The following MYMX variants were observed in gnomAD, a reference collection of about 807,000 sequenced individuals.
MYMX encodes protein myomixer.
At chr6:44,214,966 G>A (rs546388633), upstream of MYMX, among the ~76,000 whole-genome samples, 4 of 152,256 alleles carry the variant, frequency 2.6e-5, no homozygotes, top group South Asian at 8.3e-4. Flanking sequence ...ATAGCACATG[G>A]TCATCATACC....
the MYMX span, among the ~76,000 whole-genome samples, chr6:44,205,005 T>A: frequency 6.6e-6 from 1 of 152,136 alleles, no homozygotes; most frequent in African/African-American, 2.4e-5. Context: ...CAGTGACACA[T>A]CAGTGCTTCA....
At chr6:44,192,852 T>C in the MYMX span, among the ~76,000 whole-genome samples, 1 of 152,202 alleles carries the variant, frequency 6.6e-6, no homozygotes, top group Non-Finnish European at 1.5e-5. Context: ...CTACTGACCA[T>C]ATCTTGAGAG....
chr6:44,202,822 T>C, the MYMX span, among the ~76,000 whole-genome samples: 1 of 152,088 alleles, frequency 6.6e-6, no homozygotes, highest in Admixed American at 6.6e-5. Flanking sequence ...CTCCCCCACC[T>C]CCCTGCCCAA....
chr6:44,196,261 G>T, the MYMX span, among the ~76,000 whole-genome samples: 1 of 152,122 alleles, frequency 6.6e-6, no homozygotes, highest in Admixed American at 6.6e-5. Context: ...CATATCTATG[G>T]GAGTTTCTCT....
chr6:44,209,322 A>G, the MYMX span, among the ~76,000 whole-genome samples: 1 of 152,238 alleles, frequency 6.6e-6, no homozygotes, highest in East Asian at 1.9e-4. Context: ...ACAGGCAAAT[A>G]GTCCCCAAAT....
the MYMX span, among the ~76,000 whole-genome samples, chr6:44,201,044 T>C: frequency 1.3e-5 from 2 of 152,120 alleles, no homozygotes; most frequent in Admixed American, 1.3e-4. Context: ...ATTTTGCTCA[T>C]GTCTTACAGG....
At chr6:44,203,779 C>T in the MYMX span, among the ~76,000 whole-genome samples, 1 of 152,080 alleles carries the variant, frequency 6.6e-6, no homozygotes, top group East Asian at 1.9e-4. Flanking sequence ...AAGCACTGGG[C>T]CACAACAAAA....
the MYMX span, among the ~76,000 whole-genome samples, chr6:44,193,098 G>A: frequency 1.3e-5 from 2 of 152,038 alleles, no homozygotes; most frequent in African/African-American, 2.4e-5. Flanking sequence ...TGTCACCGAG[G>A]CCCTCTCTGA....
At position 44,217,514 on chromosome 6, in the gene MYMX, T is replaced by TCCCG; in HGVS notation, c.45_46insCGCC (p.Cys16ArgfsTer89). On this transcript the variant is annotated frameshift_variant, in exon 2 of 2. Coordinates refer to ENST00000573382, the MANE Select transcript of MYMX (RefSeq NM_001315494.2). LOFTEE classifies it high-confidence loss of function. Reference sequence around the variant, plus strand: ...CCCGCTGCTGCTTCGATTGCTGCTGTCCTGCCTGCTGCTGCCTGCTGCCCG... The same window carrying TCCCG: ...CCCGCTGCTGCTTCGATTGCTGCTGTCCCGCCTGCCTGCTGCTGCCTGCTGCCCG... 1 of 406,134 alleles carries TCCCG rather than the reference T, an allele frequency of 2.5e-6. No individual in the cohort carries two copies. The highest frequency in any genetic ancestry group is 4.3e-6 in the Non-Finnish European group (1 of 230,604). 25.2% of individuals were successfully genotyped at this position (406,134 alleles called of 1,614,324 possible).
the MYMX span, among the ~76,000 whole-genome samples, chr6:44,196,246 C>T: frequency 3.9e-5 from 6 of 152,152 alleles, no homozygotes; most frequent in Admixed American, 6.5e-5. Flanking sequence ...TACATATCTC[C>T]GTATCATATC....
the MYMX span, among the ~76,000 whole-genome samples, chr6:44,201,992 A>G: frequency 1.4e-5 from 2 of 144,056 alleles, no homozygotes; most frequent in Non-Finnish European, 3.2e-5. Flanking sequence ...TGGGACCCAG[A>G]CACATGTTTT....
chr6:44,208,543 A>G, the MYMX span, among the ~76,000 whole-genome samples: 1 of 152,178 alleles, frequency 6.6e-6, no homozygotes, highest in Admixed American at 6.6e-5. Context: ...GCCCTCCTCA[A>G]AATCTGGCCT....
At chr6:44,198,718 T>C in the MYMX span, among the ~76,000 whole-genome samples, 1 of 152,014 alleles carries the variant, frequency 6.6e-6, no homozygotes. Context: ...GAATTTTTTT[T>C]TTTTTTTAAG....
At chr6:44,201,261 A>T in the MYMX span, among the ~76,000 whole-genome samples, 1 of 152,240 alleles carries the variant, frequency 6.6e-6, no homozygotes, top group East Asian at 1.9e-4. Context: ...AGGCACTGTG[A>T]TTATGACAGG....
At chr6:44,206,825 G>T in the MYMX span, among the ~76,000 whole-genome samples, 1 of 152,126 alleles carries the variant, frequency 6.6e-6, no homozygotes, top group Non-Finnish European at 1.5e-5. Context: ...CCAGCCAGGG[G>T]TGCAAGTGTT....
chr6:44,193,841 G>A, the MYMX span, among the ~76,000 whole-genome samples: 1 of 152,146 alleles, frequency 6.6e-6, no homozygotes, highest in Non-Finnish European at 1.5e-5. Context: ...AAAGTTAGCC[G>A]GGCGTGGTGG....
At chr6:44,208,786 G>A in the MYMX span, among the ~76,000 whole-genome samples, 2 of 152,162 alleles carry the variant, frequency 1.3e-5, no homozygotes, top group Non-Finnish European at 2.9e-5. Context: ...CTGCAGTCAA[G>A]CTCTGCCCAC....
At chr6:44,205,415 T>C in the MYMX span, among the ~76,000 whole-genome samples, 1 of 152,000 alleles carries the variant, frequency 6.6e-6, no homozygotes, top group Non-Finnish European at 1.5e-5. Flanking sequence ...TCCCAGCACT[T>C]TGGGAGGCTG....
At chr6:44,202,288 C>G in the MYMX span, among the ~76,000 whole-genome samples, 3 of 152,160 alleles carry the variant, frequency 2.0e-5, no homozygotes. Flanking sequence ...GCCCGATTAA[C>G]TGATGCCTGT....
Sources: allele counts gnomAD v4.1 joint callset (sites outside exome capture counted in the v4.1 genomes callset), GRCh38; gene constraint gnomAD v4.1.1; transcripts MANE v1.5; gene names NCBI Gene and HGNC (gene_info 2026-07-23, HGNC 2026-07-21).